ESAM: variants seen among roughly 807,000 people sequenced by gnomAD.
The protein encoded by ESAM is endothelial cell adhesion molecule.
ESAM carries 23 observed loss-of-function variants against 31.8 expected under a neutral mutation model. That is an observed-to-expected ratio of 0.72 (90% confidence interval 0.52 to 1.03). ESAM has a LOEUF of 1.03. ESAM is among the 50% of genes least tolerant of loss of function. ESAM has a pLI of 0.00. For missense variants in ESAM, 478 were observed against 488.9 expected, an observed-to-expected ratio of 0.98 and a Z score of 0.21; for synonymous variants, 216 against 207.2, an observed-to-expected ratio of 1.04 and a Z score of -0.37.
chr11:124,762,198 A>G lies in ESAM; in HGVS notation c.-44T>C. 6.5e-7 allele frequency: 1 copy of G among 1,529,534 alleles called. No homozygotes were observed. Among genetic ancestry groups the G allele is most frequent in the Non-Finnish European group, 8.9e-7 (1 of 1,123,628 alleles). The allele number at this position is 1,529,534 out of a possible 1,614,324, so 94.7% of individuals were successfully genotyped here. ...CGGAGTCAGGGGCGCCAGCCGCGGG[A>G]CGCACGGACCTGCAGGTGCCGAGGC... On this transcript the variant is annotated 5_prime_UTR_variant, in exon 1 of 7. Transcript: ENST00000278927. The surrounding 1 kb of genome is among the most constrained non-coding windows in gnomAD (Gnocchi z 6.4).
chr11:124,756,947 G>C (rs1357840062), intron 2 of ESAM: 1 of 587,336 alleles, frequency 1.7e-6, no homozygotes, highest in Non-Finnish European at 3.0e-6. Flanking sequence ...ACAGTTCTTC[G>C]TTCCTGCGCA....
intron 2 of ESAM, among the ~76,000 whole-genome samples, chr11:124,758,012 C>T: frequency 6.6e-6 from 1 of 152,142 alleles, no homozygotes; most frequent in Non-Finnish European, 1.5e-5. Flanking sequence ...AATATGCTAA[C>T]TTTTATAAGT....
intron 4 of ESAM, among the ~76,000 whole-genome samples, chr11:124,755,780 C>T (rs888778360): frequency 2.6e-5 from 4 of 152,202 alleles, no homozygotes; most frequent in Admixed American, 6.5e-5. Context: ...AAATTAATAA[C>T]GTAACTATCT....
At chr11:124,756,775 C>T (rs1944160388) in intron 2 of ESAM, 33 bp from the exon 3 acceptor site, 1 of 1,595,964 alleles carries the variant, frequency 6.3e-7, no homozygotes, top group South Asian at 1.1e-5. Flanking sequence ...CCCGTCATTA[C>T]TACATGTGTC....
Position 124,754,173 on chromosome 11 carries a change from C to G in ESAM, c.857+41G>C, listed in dbSNP as rs745462458. 116 of 1,602,346 alleles carry G rather than the reference C, an allele frequency of 7.2e-5. No individual in the cohort carries two copies. The highest frequency in any genetic ancestry group is 9.5e-5 in the Non-Finnish European group (112 of 1,173,732). Reference sequence around the variant, plus strand: ...GAATTCCCAGCCTCTGTGAGGAGAGCTGGGAGAGCCCCCGCTGCAGCAGAC... The same window carrying G: ...GAATTCCCAGCCTCTGTGAGGAGAGGTGGGAGAGCCCCCGCTGCAGCAGAC... On this transcript the variant is annotated intron_variant, in intron 6 of 6. Transcript: ENST00000278927. This position sits in a 1 kb window ranked among gnomAD's most constrained non-coding sequence, Gnocchi z 4.5.
rs1944123517 is a variant in ESAM at position 124,753,928 on chromosome 11, C to CCAGG, written c.887_890dup (p.Trp297CysfsTer104). On this transcript the variant is annotated frameshift_variant, in exon 7 of 7. Coordinates refer to ENST00000278927, the MANE Select transcript of ESAM (RefSeq NM_138961.3). LOFTEE classifies it high-confidence loss of function. Reference sequence around the variant, plus strand: ...TGGAGATTGTGTCTGAGCTCTTGGGCCAGGGCAGGGTCCGGGGAGCAATGG... The same window carrying CCAGG: ...TGGAGATTGTGTCTGAGCTCTTGGGCCAGGCAGGGCAGGGTCCGGGGAGCAATGG... 6.2e-7 allele frequency: 1 copy of CCAGG among 1,613,694 alleles called. No homozygotes were observed. The highest frequency in any genetic ancestry group is 8.5e-7 in the Non-Finnish European group (1 of 1,179,982).
In ESAM at chr11:124,754,830, T is replaced by C. The variant is rs961716996; in HGVS notation, c.608-67A>G. Reference sequence around the variant, plus strand: ...CCATTAAAAAAAAAAAAAAATCTTGTCCCTCCTCTGGAATGTCCCCTTTGA... The same window carrying C: ...CCATTAAAAAAAAAAAAAAATCTTGCCCCTCCTCTGGAATGTCCCCTTTGA... On this transcript the variant is annotated intron_variant, in intron 4 of 6. Coordinates refer to ENST00000278927, the MANE Select transcript of ESAM (RefSeq NM_138961.3). The surrounding 1 kb of genome is among the most constrained non-coding windows in gnomAD (Gnocchi z 4.5). 6.9e-7 allele frequency: 1 copy of C among 1,441,154 alleles called. No individual in the cohort carries two copies. The highest frequency in any genetic ancestry group is 2.3e-5 in the East Asian group (1 of 43,340). The allele number at this position is 1,441,154 out of a possible 1,614,324, so 89.3% of individuals were successfully genotyped here.
rs1215021224 is a variant in ESAM, at chr11:124,754,279, C to T, written c.792G>A (p.Leu264=). Residue 264 remains leucine (L), a synonymous_variant, in exon 6 of 7, where the codon CTG becomes CTA. Transcript: ENST00000278927. This position sits in a 1 kb window ranked among gnomAD's most constrained non-coding sequence, Gnocchi z 4.5. ...VVGTLVGLGL[L]AGLVLLYHRR... is the part of the protein sequence containing the mutation. ...GGTGGTACAAGAGGACCAGCCCAGC[C>T]AGCAACCCCAGTCCAACCAGGGTAC... 2 of 1,614,050 alleles carry T rather than the reference C, an allele frequency of 1.2e-6. No homozygotes were observed. Among genetic ancestry groups the T allele is most frequent in the South Asian group, 1.1e-5 (1 of 91,078 alleles).
In ESAM at chr11:124,762,239, G is replaced by T; in HGVS notation, c.-85C>A. On this transcript the variant is annotated 5_prime_UTR_variant, in exon 1 of 7. Coordinates refer to ENST00000278927, the MANE Select transcript of ESAM (RefSeq NM_138961.3). This position sits in a 1 kb window ranked among gnomAD's most constrained non-coding sequence, Gnocchi z 6.4. ...GTGCCGAGGCTGCGCGACGGCCGGA[G>T]CGTGCGCGGGAGCCGAGCCGCTGAC... is the stretch of plus-strand genomic sequence containing the variant. 2 of 1,105,706 alleles carry T rather than the reference G, an allele frequency of 1.8e-6. No individual in the cohort carries two copies. The highest frequency in any genetic ancestry group is 2.5e-6 in the Non-Finnish European group (2 of 798,848). 68.5% of individuals were successfully genotyped at this position (1,105,706 alleles called of 1,614,324 possible). A position where few individuals can be genotyped will look rare whatever the true frequency, so the allele number is the denominator to read the frequency against.
intron 4 of ESAM, 112 bp downstream of exon 4, chr11:124,756,095 C>G (rs971472080): frequency 6.9e-7 from 1 of 1,441,970 alleles, no homozygotes; most frequent in African/African-American, 1.4e-5. Flanking sequence ...TCCTCCTCCT[C>G]CTCCCCAGTG....
rs898627300 is a variant in ESAM, at chr11:124,759,673, C to G, written c.71-1146G>C. On this transcript the variant is annotated intron_variant, in intron 1 of 6. Coordinates refer to ENST00000278927, the MANE Select transcript of ESAM (RefSeq NM_138961.3). This position sits in a 1 kb window ranked among gnomAD's most constrained non-coding sequence, Gnocchi z 6.8. ...GATCCGGCCAGGATGCAAGCCTCCC[C>G]CACCGCTTCCCGGCTGCGCCGTACA... Among the ~76,000 whole-genome samples, 2 of 152,230 alleles carry G rather than the reference C, an allele frequency of 1.3e-5. No homozygotes were observed. Among genetic ancestry groups the G allele is most frequent in the African/African-American group, 4.8e-5 (2 of 41,464 alleles).
At position 124,756,339 on chromosome 11, in the gene ESAM, G is replaced by T. The variant is rs377500728; in HGVS notation, c.475C>A (p.Arg159Ser). 4.4e-6 allele frequency: 7 copies of T among 1,608,424 alleles called. No homozygotes were observed. The highest frequency in any genetic ancestry group is 5.9e-6 in the Non-Finnish European group (7 of 1,177,190). The stretch of plus-strand genomic sequence containing the variant: ...CCCACATGGGGCACACCCTGGAGAC[G>T]GCAGGATGGAGGAGCTGGAGGAACT... Reference protein sequence around the residue: ...VLVPPAPPSCRLQGVPHVGAN... With the variant: ...VLVPPAPPSCSLQGVPHVGAN... The change falls in exon 4 of 7, where the codon CGT (arginine) becomes AGT (serine). Residue 159 changes from arginine (R) to serine (S), a missense_variant. Physicochemically the swap from Arg to Ser is moderately radical, Grantham distance 110. Coordinates refer to ENST00000278927, the MANE Select transcript of ESAM (RefSeq NM_138961.3).
At chr11:124,760,801 C>T (rs1369269651) in intron 1 of ESAM, among the ~76,000 whole-genome samples, 4 of 152,178 alleles carry the variant, frequency 2.6e-5, no homozygotes, top group Admixed American at 2.6e-4. Context: ...TCAGAGATTC[C>T]CCCAGCCCCC....
In ESAM at chr11:124,762,214, G is replaced by T; in HGVS notation, c.-60C>A. 1 of 1,370,880 alleles carries T rather than the reference G, an allele frequency of 7.3e-7. No homozygotes were observed. Among genetic ancestry groups the T allele is most frequent in the Non-Finnish European group, 9.9e-7 (1 of 1,014,890 alleles). The allele number at this position is 1,370,880 out of a possible 1,614,324, so 84.9% of individuals were successfully genotyped here. On this transcript the variant is annotated 5_prime_UTR_variant, in exon 1 of 7. Transcript: ENST00000278927. This position sits in a 1 kb window ranked among gnomAD's most constrained non-coding sequence, Gnocchi z 6.4. ...AGCCGCGGGACGCACGGACCTGCAG[G>T]TGCCGAGGCTGCGCGACGGCCGGAG... is the stretch of plus-strand genomic sequence containing the variant.
intron 1 of ESAM, 120 bp downstream of exon 1, chr11:124,761,965 G>A: frequency 1.1e-6 from 1 of 887,364 alleles, no homozygotes; most frequent in South Asian, 1.4e-5. Context: ...GGATTAGGAG[G>A]TCAGGGGAGG....
chr11:124,760,535 C>G (rs1944216089), intron 1 of ESAM, among the ~76,000 whole-genome samples: 1 of 152,244 alleles, frequency 6.6e-6, no homozygotes, highest in Admixed American at 6.5e-5. Context: ...CCTACTGAGC[C>G]GGAGAGCCTC....
At position 124,753,932 on chromosome 11, in the gene ESAM, G is replaced by A; in HGVS notation, c.887C>T (p.Pro296Leu). Residue 296 changes from proline (P) to leucine (L), a missense_variant, in exon 7 of 7, where the codon CCC (proline) becomes CTC (leucine). Physicochemically the swap from Pro to Leu is moderately conservative, Grantham distance 98. Transcript: ENST00000278927. ...KEDAIAPRTL[P>L]WPKSSDTISK... ...GATTGTGTCTGAGCTCTTGGGCCAGGGCAGGGTCCGGGGAGCAATGGCATC... is the reference window on the plus strand; with the variant it reads ...GATTGTGTCTGAGCTCTTGGGCCAGAGCAGGGTCCGGGGAGCAATGGCATC... 6.2e-7 allele frequency: 1 copy of A among 1,613,892 alleles called. No homozygotes were observed. The highest frequency in any genetic ancestry group is 1.1e-5 in the South Asian group (1 of 91,014).
intron 2 of ESAM, among the ~76,000 whole-genome samples, chr11:124,757,693 CT>C (rs5795429): frequency 0.047 from 5,822 of 124,950 alleles, 260 homozygotes; most frequent in African/African-American, 0.15. Context: ...AATATGCTAA[CT>C]TTTTTTTTTT....
intron 4 of ESAM, among the ~76,000 whole-genome samples, chr11:124,755,310 G>A (rs1279436814): frequency 6.6e-6 from 1 of 152,006 alleles, no homozygotes; most frequent in African/African-American, 2.4e-5. Context: ...AAGAGTTAAT[G>A]GGTACAGCAC....
Sources: allele counts gnomAD v4.1 joint callset (sites outside exome capture counted in the v4.1 genomes callset), GRCh38; gene constraint gnomAD v4.1.1; non-coding constraint Gnocchi (gnomAD v3.1); transcripts MANE v1.5; gene names NCBI Gene and HGNC (gene_info 2026-07-23, HGNC 2026-07-21).